The following ACYP2 variants were observed in gnomAD, a reference collection of about 807,000 sequenced individuals.
ACYP2 encodes the protein acylphosphatase 2, also known as acylphosphatase-2.
ACYP2 carries 12 observed loss-of-function variants against 11.2 expected under a neutral mutation model. The ratio of observed to expected loss-of-function variants is 1.08; its 90% CI spans 0.69 to 1.74. The LOEUF is 1.74. Among genes scored for constraint, ACYP2 ranks in the 40% most tolerant of loss-of-function variants. The pLI is 0.00. For missense variants in ACYP2, 134 were observed against 101.9 expected, an observed-to-expected ratio of 1.31 and a Z score of -1.35; for synonymous variants, 43 against 32.2, an observed-to-expected ratio of 1.33 and a Z score of -1.13.
chr2:54,178,629 G>T (rs1364449010), intron 6 of ACYP2, among the ~76,000 whole-genome samples: 1 of 152,148 alleles, frequency 6.6e-6, no homozygotes, highest in African/African-American at 2.4e-5. Flanking sequence ...GTGGATATTG[G>T]ATAATAGGCT....
chr2:54,127,739 C>T (rs947206381), intron 4 of ACYP2, among the ~76,000 whole-genome samples: 17 of 105,062 alleles, frequency 1.6e-4, no homozygotes, highest in African/African-American at 5.0e-4. Context: ...GGCAACAGAG[C>T]GAGACTGTCT....
chr2:54,027,484 A>G (rs1674347462), intron 2 of ACYP2, among the ~76,000 whole-genome samples: 1 of 152,228 alleles, frequency 6.6e-6, no homozygotes, highest in African/African-American at 2.4e-5. Context: ...TTGTCTTCCA[A>G]TCATACTTCA....
intron 4 of ACYP2, among the ~76,000 whole-genome samples, chr2:54,066,713 A>G (rs1572681874): frequency 6.6e-6 from 1 of 152,352 alleles, no homozygotes; most frequent in East Asian, 1.9e-4. Context: ...GCATAGGCAA[A>G]TAACAAATAA....
intron 4 of ACYP2, among the ~76,000 whole-genome samples, chr2:54,073,311 G>A (rs1054781492): frequency 1.1e-4 from 16 of 151,832 alleles, no homozygotes; most frequent in Non-Finnish European, 2.4e-4. Context: ...AAGATCTCTT[G>A]AGCCCAGGAG....
At chr2:54,108,944 A>G (rs1397996234) in intron 4 of ACYP2, among the ~76,000 whole-genome samples, 1 of 152,108 alleles carries the variant, frequency 6.6e-6, no homozygotes, top group East Asian at 1.9e-4. Flanking sequence ...GAAATGAACT[A>G]TTTCTGTAAT....
chr2:54,294,248 C>T (rs975962275), intron 6 of ACYP2, among the ~76,000 whole-genome samples: 1 of 152,132 alleles, frequency 6.6e-6, no homozygotes, highest in African/African-American at 2.4e-5. Flanking sequence ...TTTTATATCA[C>T]CCCAGGAGCT....
intron 6 of ACYP2, among the ~76,000 whole-genome samples, chr2:54,179,864 C>T (rs888060420): frequency 1.3e-5 from 2 of 152,062 alleles, no homozygotes; most frequent in Admixed American, 6.6e-5. Context: ...CTTATTTTAC[C>T]CAGCTCCTAT....
At chr2:54,180,930 T>G (rs843679) in intron 6 of ACYP2, among the ~76,000 whole-genome samples, 34,163 of 152,070 alleles carry the variant, frequency 0.22, 4,415 homozygotes, top group South Asian at 0.43. Context: ...AATCACCTTT[T>G]AAAGGACCCA....
At chr2:54,178,294 T>G (rs943999508) in intron 6 of ACYP2, among the ~76,000 whole-genome samples, 4 of 152,228 alleles carry the variant, frequency 2.6e-5, no homozygotes, top group African/African-American at 9.6e-5. Flanking sequence ...CATTGAAAAC[T>G]TCCAATAAAC....
At chr2:54,260,078 G>A (rs1687713485) in intron 6 of ACYP2, among the ~76,000 whole-genome samples, 1 of 152,100 alleles carries the variant, frequency 6.6e-6, no homozygotes. Context: ...AAGAGGAGGT[G>A]GAATCTAGTA....
At position 54,212,924 on chromosome 2, in the gene ACYP2, A is replaced by T. The variant is rs371490972; in HGVS notation, c.404+74176A>T. On this transcript the variant is annotated intron_variant, in intron 6 of 6. Coordinates refer to ENST00000607452, the MANE Select transcript of ACYP2 (RefSeq NM_001320586.2). ...CCACTTTACTTTTTTTTTTTTTTTA[A>T]ATGTCATGGCTGTTTTTTCTCCAAC... Among the ~76,000 whole-genome samples, 420 of 150,878 alleles carry T rather than the reference A, an allele frequency of 2.8e-3. 9 individuals are homozygous for T. The South Asian group carries it at 0.057, about 21-fold the overall frequency.
At chr2:54,068,225 G>C (rs531619264) in intron 4 of ACYP2, among the ~76,000 whole-genome samples, 6 of 152,184 alleles carry the variant, frequency 3.9e-5, no homozygotes, top group African/African-American at 1.2e-4. Flanking sequence ...AGAGGAACTG[G>C]GTTTGTACAG....
intron 4 of ACYP2, among the ~76,000 whole-genome samples, chr2:54,081,686 C>G (rs972170829): frequency 1.3e-5 from 2 of 152,192 alleles, no homozygotes; most frequent in African/African-American, 2.4e-5. Flanking sequence ...CTCTACATAC[C>G]TGATGAGAGA....
chr2:54,282,180 G>A (rs1688878563), intron 6 of ACYP2, among the ~76,000 whole-genome samples: 1 of 152,082 alleles, frequency 6.6e-6, no homozygotes, highest in African/African-American at 2.4e-5. Context: ...AATAACAGAA[G>A]AATATACAAG....
chr2:54,132,706 T>C (rs534771375), intron 4 of ACYP2, among the ~76,000 whole-genome samples: 35 of 152,160 alleles, frequency 2.3e-4, no homozygotes, highest in Admixed American at 5.9e-4. Flanking sequence ...AGAATATAAA[T>C]TCAGCAACAT....
chr2:54,064,464 T>TC (rs80053067), intron 4 of ACYP2, among the ~76,000 whole-genome samples: 86,785 of 151,964 alleles, frequency 0.57, 25,071 homozygotes, highest in East Asian at 0.72. Context: ...GGGGGCCATA[T>TC]CTTTTATAAA....
intron 4 of ACYP2, chr2:54,057,453 C>T (rs1676217215): frequency 2.6e-6 from 1 of 391,108 alleles, no homozygotes; most frequent in Non-Finnish European, 4.5e-6. Context: ...CTCAGGATGG[C>T]AGAACTTATC....
intron 2 of ACYP2, among the ~76,000 whole-genome samples, chr2:54,000,091 A>G (rs1209936117): frequency 6.6e-6 from 1 of 151,816 alleles, no homozygotes; most frequent in Non-Finnish European, 1.5e-5. Context: ...TCAATATAAT[A>G]GAAATTTCTA....
chr2:54,072,513 T>TTTTTTCTTTCTTTCTTTCC (rs148411653), intron 4 of ACYP2, among the ~76,000 whole-genome samples: 4 of 146,056 alleles, frequency 2.7e-5, no homozygotes, highest in African/African-American at 5.0e-5. Context: ...CTCTCTCTCT[T>TTTTTTCTTTCTTTCTTTCC]TCTTTCTTCT....
Sources: gnomAD v4.1 joint callset for allele counts (sites outside exome capture counted in the v4.1 genomes callset) on GRCh38, gnomAD v4.1.1 for gene constraint, MANE v1.5 for transcripts, NCBI Gene and HGNC (gene_info 2026-07-23, HGNC 2026-07-21) for gene names.